The following COP1 variants were observed in gnomAD, a reference collection of about 807,000 sequenced individuals.
COP1 encodes the protein E3 ubiquitin-protein ligase COP1.
In COP1, 24 loss-of-function variants were observed where a neutral mutation model predicts 101.3. The observed-to-expected ratio is 0.24, with a 90% confidence interval of 0.17 to 0.33. The LOEUF (loss-of-function observed/expected upper bound fraction) is 0.33, where lower values mean the gene tolerates loss of function less well. COP1 is among the 10% of genes least tolerant of loss of function. The probability of loss-of-function intolerance (pLI) is 1.00; values close to 1 mark genes in which losing one functional copy is unlikely to be tolerated. For missense variants in COP1, 663 were observed against 906.2 expected (o/e 0.73, Z 3.45); for synonymous variants, 347 against 341.9 (o/e 1.01, Z -0.17).
At chr1:176,024,669 G>A (rs942021069) in intron 15 of COP1, among the ~76,000 whole-genome samples, 1 of 152,098 alleles carries the variant, frequency 6.6e-6, no homozygotes, top group Non-Finnish European at 1.5e-5. Context: ...TTGTTCAACT[G>A]CAGATATGAT....
At chr1:176,138,472 G>A (rs1690143837) in intron 6 of COP1, among the ~76,000 whole-genome samples, 2 of 152,020 alleles carry the variant, frequency 1.3e-5, no homozygotes, top group Admixed American at 6.6e-5. Context: ...TAAACTTCCT[G>A]CCGCCTTAAA....
At chr1:176,173,596 C>T (rs1435961001) in intron 3 of COP1, among the ~76,000 whole-genome samples, 1 of 149,000 alleles carries the variant, frequency 6.7e-6, no homozygotes, top group African/African-American at 2.5e-5. Context: ...GCCATGATCG[C>T]ACTACTGCAC....
intron 15 of COP1, among the ~76,000 whole-genome samples, chr1:176,013,353 G>T (rs1267684386): frequency 6.6e-6 from 1 of 152,032 alleles, no homozygotes; most frequent in Non-Finnish European, 1.5e-5. Context: ...ATGATGATGG[G>T]TTCTAAAATA....
At chr1:176,164,982 G>A (rs187841013) in intron 3 of COP1, among the ~76,000 whole-genome samples, 12 of 152,224 alleles carry the variant, frequency 7.9e-5, no homozygotes, top group Admixed American at 1.3e-4. Context: ...CATATACAAT[G>A]AGACAATGCT....
chr1:176,028,372 G>C (rs527618274), intron 14 of COP1, among the ~76,000 whole-genome samples: 257 of 151,690 alleles, frequency 1.7e-3, no homozygotes, highest in South Asian at 8.2e-3. Context: ...AGAGACTAGC[G>C]TGGGCAACAT....
intron 9 of COP1, among the ~76,000 whole-genome samples, chr1:176,106,935 A>G (rs1314880798): frequency 6.6e-6 from 1 of 152,188 alleles, no homozygotes; most frequent in Admixed American, 6.5e-5. Context: ...CAGGTGCTTC[A>G]AACCCAAGCC....
intron 17 of COP1, 48 bp downstream of exon 17, chr1:175,988,240 A>G (rs1299672111): frequency 1.3e-6 from 2 of 1,549,748 alleles, no homozygotes; most frequent in Middle Eastern, 4.7e-4. Flanking sequence ...TTCAATTTCA[A>G]TAACAAACAC....
chr1:175,970,856 C>A (rs1653096291), intron 18 of COP1, among the ~76,000 whole-genome samples: 1 of 151,980 alleles, frequency 6.6e-6, no homozygotes, highest in Admixed American at 6.6e-5. Flanking sequence ...TTGAAAAAAA[C>A]TTTTCTGAAA....
intron 2 of COP1, among the ~76,000 whole-genome samples, chr1:176,176,894 A>G (rs554847976): frequency 6.6e-6 from 1 of 152,350 alleles, no homozygotes; most frequent in Admixed American, 6.5e-5. Context: ...ACTGTTACAG[A>G]AAATGTTAAC....
intron 18 of COP1, among the ~76,000 whole-genome samples, chr1:175,982,041 T>C (rs1655988751): frequency 6.6e-6 from 1 of 151,860 alleles, no homozygotes; most frequent in African/African-American, 2.4e-5. Flanking sequence ...TTGGCAAGAA[T>C]GTGGAGAAAA....
At chr1:175,984,925 C>T (rs376482966) in intron 18 of COP1, among the ~76,000 whole-genome samples, 94 of 152,298 alleles carry the variant, frequency 6.2e-4, no homozygotes, top group Middle Eastern at 3.4e-3. Flanking sequence ...CTCTTCATAT[C>T]TAGGAATTAA....
At chr1:176,006,837 T>C (rs1485049920) in intron 15 of COP1, among the ~76,000 whole-genome samples, 2 of 152,006 alleles carry the variant, frequency 1.3e-5, no homozygotes, top group Non-Finnish European at 2.9e-5. Context: ...TTGGAGTTGC[T>C]CTTCTCGAGG....
At chr1:176,088,559 G>GT (rs936718068) in intron 9 of COP1, among the ~76,000 whole-genome samples, 1 of 151,958 alleles carries the variant, frequency 6.6e-6, no homozygotes, top group Admixed American at 6.6e-5. Context: ...TTCTTTATAT[G>GT]TGTTTTACCT....
chr1:175,993,375 C>T lies in COP1; in HGVS notation c.1730-3896G>A, dbSNP rs950924923. Among the ~76,000 whole-genome samples, 7 of 152,160 alleles carry T rather than the reference C, an allele frequency of 4.6e-5. No individual in the cohort carries two copies. In the South Asian group the frequency reaches 6.2e-4, roughly 14 times the overall value. On this transcript the variant is annotated intron_variant, in intron 15 of 19. Transcript: ENST00000367669. Reference sequence around the variant, plus strand: ...AAGGAACGCAGCTCCTCACCAGCAACGGAACAAAGCTGGATGGAGAATGGC... The same window carrying T: ...AAGGAACGCAGCTCCTCACCAGCAATGGAACAAAGCTGGATGGAGAATGGC...
chr1:176,176,101 A>C, intron 2 of COP1, 94 bp from the exon 3 acceptor site: 1 of 645,876 alleles, frequency 1.5e-6, no homozygotes, highest in African/African-American at 1.9e-5. Context: ...TCTATTCCTC[A>C]TTTTCAACAT....
chr1:176,014,842 T>C (rs747446336), intron 15 of COP1, among the ~76,000 whole-genome samples: 1 of 152,166 alleles, frequency 6.6e-6, no homozygotes, highest in African/African-American at 2.4e-5. Context: ...CATGTATTTA[T>C]TGAAAATCTA....
intron 1 of COP1, among the ~76,000 whole-genome samples, chr1:176,187,365 C>G (rs1264563988): frequency 1.3e-5 from 2 of 150,576 alleles, no homozygotes; most frequent in African/African-American, 4.9e-5. Context: ...CACATATATA[C>G]ACACTATATA....
At chr1:176,151,789 T>C (rs1313027876) in intron 5 of COP1, among the ~76,000 whole-genome samples, 1 of 152,178 alleles carries the variant, frequency 6.6e-6, no homozygotes, top group Non-Finnish European at 1.5e-5. Flanking sequence ...GAAAACACAT[T>C]GGTCATAACT....
At chr1:176,098,632 G>T (rs948758938) in intron 9 of COP1, among the ~76,000 whole-genome samples, 3 of 152,142 alleles carry the variant, frequency 2.0e-5, no homozygotes, top group East Asian at 3.8e-4. Flanking sequence ...GCAGAAAAAC[G>T]TACTCTTAAG....
Sources: allele counts gnomAD v4.1 joint callset (sites outside exome capture counted in the v4.1 genomes callset), GRCh38; gene constraint gnomAD v4.1.1; transcripts MANE v1.5; gene names NCBI Gene and HGNC (gene_info 2026-07-23, HGNC 2026-07-21).